The following SLK variants were observed in gnomAD, a reference collection of about 807,000 sequenced individuals.
SLK encodes the protein STE20-like serine/threonine-protein kinase.
A neutral mutation model predicts 147.7 loss-of-function variants in SLK; 67 were observed. The observed-to-expected ratio is 0.45, with a 90% CI of 0.37 to 0.56. The LOEUF (loss-of-function observed/expected upper bound fraction) is 0.56. Ranked by LOEUF, SLK falls within the 20% of genes least tolerant of loss-of-function variation. The pLI is 0.00. For synonymous variants in SLK, 441 were observed against 475.0 expected (o/e 0.93, Z 0.93); for missense variants, 1,136 against 1,438.8 (o/e 0.79, Z 3.41).
At position 104,003,062 on chromosome 10, in the gene SLK, G is replaced by A. The variant is rs771773062; in HGVS notation, c.1884G>A (p.Met628Ile). ...CAATAAACAGTTCAGAGAACATAAT[G>A]GACATCAATGAGGAACCAGGAACAA... ...EQAINSSENI[M>I]DINEEPGTTE... The change falls in exon 9 of 19, where the codon ATG (methionine) becomes ATA (isoleucine). Residue 628 changes from methionine (M) to isoleucine (I), a missense_variant. Physicochemically the swap from Met to Ile is conservative, Grantham distance 10. Coordinates refer to ENST00000369755, the MANE Select transcript of SLK (RefSeq NM_014720.4). 8.7e-6 allele frequency: 14 copies of A among 1,613,830 alleles called. No homozygotes were observed. The highest frequency in any genetic ancestry group is 1.2e-5 in the Non-Finnish European group (14 of 1,179,898).
intron 4 of SLK, among the ~76,000 whole-genome samples, chr10:103,997,636 G>A (rs1274328927): frequency 6.6e-6 from 1 of 151,944 alleles, no homozygotes; most frequent in African/African-American, 2.4e-5. Context: ...GCGGTAATGG[G>A]TATGAATTTG....
chr10:104,011,807 G>A (rs1157234945), intron 13 of SLK, among the ~76,000 whole-genome samples: 6 of 152,116 alleles, frequency 3.9e-5, no homozygotes, highest in South Asian at 4.1e-4. Flanking sequence ...TGATCTGCCC[G>A]CCTCAGCCTC....
At chr10:104,011,692 C>T (rs1053563366) in intron 13 of SLK, among the ~76,000 whole-genome samples, 6 of 151,926 alleles carry the variant, frequency 3.9e-5, no homozygotes, top group African/African-American at 1.5e-4. Context: ...TCCCGAGTAG[C>T]TGGGACTACA....
At chr10:103,993,783 TGG>T (rs2134477034) in intron 4 of SLK, among the ~76,000 whole-genome samples, 1 of 152,362 alleles carries the variant, frequency 6.6e-6, no homozygotes, top group South Asian at 2.1e-4. Flanking sequence ...TTGTATATTT[TGG>T]AAGGCTATTC....
rs1408328376 is a variant in SLK, at chr10:104,003,180, G to A, written c.2002G>A (p.Glu668Lys). 1 of 1,613,944 alleles carries A rather than the reference G, an allele frequency of 6.2e-7. No homozygotes were observed. The highest frequency in any genetic ancestry group is 1.3e-5 in the African/African-American group (1 of 74,906). Residue 668 changes from glutamate (E) to lysine (K), a missense_variant, in exon 9 of 19, where the codon GAA becomes AAA. Physicochemically the swap from Glu to Lys is moderately conservative, Grantham distance 56. Around this residue, in one of 6 missense-constraint regions of SLK, gnomAD observed 516 missense variants for 531.3 expected, o/e 0.97. Coordinates refer to ENST00000369755, the MANE Select transcript of SLK (RefSeq NM_014720.4). ...ADTDQKALGS[E>K]VQDASKVTTQ... is the part of the protein sequence containing the mutation. Reference sequence around the variant, plus strand: ...TACTGACCAAAAGGCTTTAGGAAGTGAAGTTCAGGATGCTTCTAAAGTCAC... The same window carrying A: ...TACTGACCAAAAGGCTTTAGGAAGTAAAGTTCAGGATGCTTCTAAAGTCAC...
chr10:104,021,585 TCTGA>T, intron 17 of SLK, 31 bp from the exon 18 acceptor site: 1 of 1,193,992 alleles, frequency 8.4e-7, no homozygotes, highest in Non-Finnish European at 1.2e-6. Flanking sequence ...GCTTAGTTGA[TCTGA>T]AATTTTTTTA....
chr10:103,984,209 A>G (rs1429246149), intron 1 of SLK, among the ~76,000 whole-genome samples: 1 of 152,234 alleles, frequency 6.6e-6, no homozygotes, highest in Admixed American at 6.5e-5. Flanking sequence ...ATATACGATA[A>G]CATACTTGAA....
chr10:103,975,099 G>C (rs140347806), intron 1 of SLK, among the ~76,000 whole-genome samples: 2 of 151,664 alleles, frequency 1.3e-5, no homozygotes, highest in African/African-American at 4.8e-5. Flanking sequence ...TTGGGTATAG[G>C]CCACCTTCTC....
chr10:104,008,152 C>G, intron 11 of SLK, 25 bp from the exon 12 acceptor site: 1 of 1,578,386 alleles, frequency 6.3e-7, no homozygotes, highest in Non-Finnish European at 8.6e-7. Flanking sequence ...GAAAAGTTAT[C>G]ATCTTGAGCT....
At chr10:104,021,390 CTTTTT>C (rs1844531598) in intron 17 of SLK, among the ~76,000 whole-genome samples, 1 of 152,188 alleles carries the variant, frequency 6.6e-6, no homozygotes, top group Non-Finnish European at 1.5e-5. Flanking sequence ...CAAGCTAGTT[CTTTTT>C]AAGTTCTTTT....
chr10:104,005,418 A>G, intron 9 of SLK, 143 bp from the exon 10 acceptor site: 1 of 685,248 alleles, frequency 1.5e-6, no homozygotes. Flanking sequence ...CTATTGCTTT[A>G]TATTTATACT....
intron 1 of SLK, among the ~76,000 whole-genome samples, chr10:103,984,000 AG>A: frequency 6.6e-6 from 1 of 152,268 alleles, no homozygotes; most frequent in East Asian, 1.9e-4. Context: ...TTTTGCCTGT[AG>A]TTGTTACCTC....
chr10:103,968,585 C>T (rs1843750115), intron 1 of SLK, among the ~76,000 whole-genome samples: 1 of 152,164 alleles, frequency 6.6e-6, no homozygotes, highest in Admixed American at 6.5e-5. Flanking sequence ...AACCTGAAGG[C>T]ATTAATGTTA....
intron 3 of SLK, 130 bp downstream of exon 3, chr10:103,992,776 G>A: frequency 5.2e-6 from 1 of 193,370 alleles, no homozygotes; most frequent in East Asian, 3.4e-4. Flanking sequence ...ACTCAAGTAT[G>A]TTTTTATATT....
intron 4 of SLK, among the ~76,000 whole-genome samples, chr10:103,996,298 T>C (rs1844171035): frequency 6.6e-6 from 1 of 152,050 alleles, no homozygotes; most frequent in Non-Finnish European, 1.5e-5. Context: ...AATTTCTTCA[T>C]TGTAAGTCAT....
chr10:103,991,391 TATA>T (rs1844091441), intron 2 of SLK, among the ~76,000 whole-genome samples: 1 of 152,122 alleles, frequency 6.6e-6, no homozygotes, highest in African/African-American at 2.4e-5. Flanking sequence ...TCATATTCAT[TATA>T]ATAATCTGTC....
chr10:104,002,658 A>G lies in SLK; in HGVS notation c.1480A>G (p.Thr494Ala). ...KLIKSEEIKD[T>A]ILQTVDLVSQ... ...TATAAAATCTGAAGAAATTAAAGAT[A>G]CTATTTTGCAAACAGTAGATTTAGT... The change falls in exon 9 of 19, where the codon ACT (threonine) becomes GCT (alanine). Residue 494 changes from threonine (T) to alanine (A), a missense_variant. By Grantham distance (58) the Thr-to-Ala change is moderately conservative. Coordinates refer to ENST00000369755, the MANE Select transcript of SLK (RefSeq NM_014720.4). The G allele has an allele frequency of 6.2e-7, 1 of 1,609,888 alleles. No individual in the cohort carries two copies.
At chr10:103,983,757 ACCTCATCATAAC>A (rs977077158) in intron 1 of SLK, among the ~76,000 whole-genome samples, 2 of 151,842 alleles carry the variant, frequency 1.3e-5, no homozygotes, top group Admixed American at 1.3e-4. Flanking sequence ...CACAGAACTA[ACCTCATCATAAC>A]CCTTCATAAC....
chr10:103,972,810 A>G (rs1205560805), intron 1 of SLK, among the ~76,000 whole-genome samples: 1 of 152,198 alleles, frequency 6.6e-6, no homozygotes, highest in Admixed American at 6.5e-5. Context: ...ACTAAAAGTA[A>G]TTCTTTTAAT....
Sources: gnomAD v4.1 joint callset for allele counts (sites outside exome capture counted in the v4.1 genomes callset) on GRCh38, gnomAD v4.1.1 for gene constraint, gnomAD v4.1.1 regional missense constraint, MANE v1.5 for transcripts, NCBI Gene and HGNC (gene_info 2026-07-23, HGNC 2026-07-21) for gene names.